Variants in C14orf39 observed in about 807,000 individuals in gnomAD.
The protein encoded by C14orf39 is chromosome 14 open reading frame 39, also known as protein SIX6OS1.
C14orf39 carries 66 observed loss-of-function variants against 85.6 expected under a neutral mutation model. The observed-to-expected ratio is 0.77, with a 90% CI of 0.63 to 0.95. The LOEUF (loss-of-function observed/expected upper bound fraction) is 0.95, where lower values mean the gene tolerates loss of function less well. Among genes scored for constraint, C14orf39 ranks in the 40% least tolerant of loss-of-function variants. C14orf39 has a pLI of 0.00. For synonymous variants in C14orf39, 242 were observed against 214.0 expected (o/e 1.13, Z -1.14); for missense variants, 735 against 663.9 (o/e 1.11, Z -1.18).
At chr14:60,483,256 T>C (rs548278451) in intron 4 of C14orf39, among the ~76,000 whole-genome samples, 2 of 152,354 alleles carry the variant, frequency 1.3e-5, no homozygotes, top group South Asian at 2.1e-4. Context: ...GTTGTTTTTA[T>C]GTATTTGTTT....
intron 1 of C14orf39, chr14:60,509,828 C>T (rs1166499175): frequency 3.1e-6 from 5 of 1,613,794 alleles, no homozygotes; most frequent in African/African-American, 1.3e-5. Context: ...GCACCTGCTA[C>T]GCGAGTGGTA....
chr14:60,468,932 T>G (rs529205028), intron 8 of C14orf39, among the ~76,000 whole-genome samples: 1 of 151,652 alleles, frequency 6.6e-6, no homozygotes, highest in African/African-American at 2.4e-5. Context: ...ATACAGTATT[T>G]AACATAATTT....
At position 60,461,498 on chromosome 14, in the gene C14orf39, A is replaced by T. The variant is rs756528406; in HGVS notation, c.1058+10T>A. The T allele has an allele frequency of 6.3e-7, 1 of 1,582,548 alleles. No homozygotes were observed. The stretch of plus-strand genomic sequence containing the variant: ...AGAGATTAAAGCATTTTCTTATTTT[A>T]AAAAGTTACCTGACTTGCATAAACT... On this transcript the variant is annotated intron_variant, in intron 12 of 17. Coordinates refer to ENST00000321731, the MANE Select transcript of C14orf39 (RefSeq NM_174978.3).
chr14:60,465,722 A>G (rs1595465609), intron 11 of C14orf39, among the ~76,000 whole-genome samples: 2 of 151,906 alleles, frequency 1.3e-5, no homozygotes, highest in African/African-American at 4.8e-5. Flanking sequence ...TGGTATTTGA[A>G]AATATCTTTT....
intron 17 of C14orf39, 53 bp downstream of exon 17, chr14:60,442,021 C>A: frequency 8.1e-7 from 1 of 1,232,816 alleles, no homozygotes; most frequent in South Asian, 1.4e-5. Context: ...AAACTAAATA[C>A]TGTACTAATG....
intron 11 of C14orf39, among the ~76,000 whole-genome samples, chr14:60,462,183 T>C (rs1891563900): frequency 1.3e-5 from 2 of 151,830 alleles, no homozygotes; most frequent in Admixed American, 1.3e-4. Flanking sequence ...AAGACCAGCC[T>C]GTACAACATA....
intron 5 of C14orf39, among the ~76,000 whole-genome samples, chr14:60,472,515 A>T (rs1892143950): frequency 6.6e-6 from 1 of 152,094 alleles, no homozygotes; most frequent in Non-Finnish European, 1.5e-5. Flanking sequence ...CTCGTCATTT[A>T]GCATTAGATA....
intron 16 of C14orf39, among the ~76,000 whole-genome samples, chr14:60,447,794 T>C (rs1166740541): frequency 1.3e-5 from 2 of 152,112 alleles, no homozygotes; most frequent in Admixed American, 6.6e-5. Flanking sequence ...CTTCAAACTA[T>C]ACTACAAGTC....
chr14:60,440,445 A>C (rs1890454574), intron 17 of C14orf39, among the ~76,000 whole-genome samples: 1 of 152,118 alleles, frequency 6.6e-6, no homozygotes, highest in Non-Finnish European at 1.5e-5. Context: ...CCATAAGCAA[A>C]TTCTTCCAGC....
In C14orf39 at chr14:60,471,664, G is replaced by C. The variant is rs764805230; in HGVS notation, c.399C>G (p.Pro133=). The change falls in exon 6 of 18, where the codon CCC becomes CCG. Residue 133 remains proline, a synonymous_variant. Coordinates refer to ENST00000321731, the MANE Select transcript of C14orf39 (RefSeq NM_174978.3). ...TCTTCTCATAATATTCACGTGAAAA[G>C]GGTGTTTCTGAGTATTTTAGTTGGT... ...KQYQLKYSET[P]FSREYYEKKR... 1 of 1,609,002 alleles carries C rather than the reference G, an allele frequency of 6.2e-7. No homozygotes were observed. The highest frequency in any genetic ancestry group is 8.5e-7 in the Non-Finnish European group (1 of 1,176,820).
intron 2 of C14orf39, chr14:60,496,529 C>T (rs932826535): frequency 8.5e-5 from 18 of 210,596 alleles, no homozygotes; most frequent in South Asian, 4.4e-4. Context: ...TGGCTGGTGG[C>T]TCAGTACAGC....
chr14:60,459,319 A>G (rs559794919), intron 13 of C14orf39, among the ~76,000 whole-genome samples: 2 of 151,844 alleles, frequency 1.3e-5, no homozygotes, highest in South Asian at 4.1e-4. Context: ...GCTTTCATGT[A>G]CAACCAAAGA....
At chr14:60,444,654 A>C (rs1176637350) in intron 16 of C14orf39, among the ~76,000 whole-genome samples, 2 of 152,358 alleles carry the variant, frequency 1.3e-5, no homozygotes, top group Admixed American at 6.5e-5. Context: ...GAACTTCCCT[A>C]ATCTAGCAAG....
At chr14:60,449,276 C>G (rs1378725118) in intron 16 of C14orf39, among the ~76,000 whole-genome samples, 1 of 152,130 alleles carries the variant, frequency 6.6e-6, no homozygotes, top group East Asian at 1.9e-4. Flanking sequence ...GAGAATCCTT[C>G]CTCCTAAGAT....
chr14:60,472,713 G>T (rs1025732989), intron 5 of C14orf39, among the ~76,000 whole-genome samples: 6 of 152,060 alleles, frequency 3.9e-5, no homozygotes, highest in Admixed American at 2.6e-4. Flanking sequence ...CTTCATCCTT[G>T]TCCCTACAAA....
chr14:60,437,014 C>T lies in C14orf39; in HGVS notation c.1595G>A (p.Gly532Asp). 2 of 1,609,558 alleles carry T rather than the reference C, an allele frequency of 1.2e-6. No homozygotes were observed. Among genetic ancestry groups the T allele is most frequent in the African/African-American group, 1.3e-5 (1 of 74,810 alleles). The change falls in exon 18 of 18, where the codon GGC becomes GAC. Residue 532 changes from glycine (G) to aspartate (D), a missense_variant. By Grantham distance (94) the Gly-to-Asp change is moderately conservative (BLOSUM62 -1). Coordinates refer to ENST00000321731, the MANE Select transcript of C14orf39 (RefSeq NM_174978.3). ...GTCTGATGGAAAAGAAAATGTAAAG[C>T]CATCTTCTCCTTCTGGCTTCTCAAG... ...NLLEKPEGEDGFTFSFPSDTS... is the reference protein window; with the variant it reads ...NLLEKPEGEDDFTFSFPSDTS...
rs1302812782 is a variant in C14orf39 at position 60,497,836 on chromosome 14, C to T, written c.-9+1460G>A. On this transcript the variant is annotated intron_variant, in intron 2 of 5. Coordinates refer to the C14orf39 transcript ENST00000556799. ...GGCAGAGGATGCAGTGAGGCAAGTT[C>T]GCACCACTGCACTCCAGCCTGGGCA... is the stretch of plus-strand genomic sequence containing the variant. Among the ~76,000 whole-genome samples, 6 of 151,572 alleles carry T rather than the reference C, an allele frequency of 4.0e-5. No individual in the cohort carries two copies. The East Asian group carries it at 7.8e-4, about 20-fold the overall frequency.
chr14:60,467,649 C>T (rs1891860033), intron 9 of C14orf39, among the ~76,000 whole-genome samples: 1 of 151,582 alleles, frequency 6.6e-6, no homozygotes, highest in African/African-American at 2.4e-5. Flanking sequence ...GTCTATTTAC[C>T]TATTTTTTCA....
intron 5 of C14orf39, among the ~76,000 whole-genome samples, chr14:60,474,751 C>T (rs1445311077): frequency 2.6e-5 from 4 of 151,780 alleles, no homozygotes; most frequent in African/African-American, 9.7e-5. Context: ...GGGATGAAGC[C>T]CACTTGATCA....
Sources: gnomAD v4.1 joint callset for allele counts (sites outside exome capture counted in the v4.1 genomes callset) on GRCh38, gnomAD v4.1.1 for gene constraint, MANE v1.5 for transcripts, NCBI Gene and HGNC (gene_info 2026-07-23, HGNC 2026-07-21) for gene names.